RNF180: variants seen among roughly 807,000 people sequenced by gnomAD.
The protein encoded by RNF180 is E3 ubiquitin-protein ligase RNF180.
A neutral mutation model predicts 59.2 loss-of-function variants in RNF180; 38 were observed. That is an observed-to-expected ratio of 0.64 (90% CI 0.50 to 0.84). The LOEUF (loss-of-function observed/expected upper bound fraction) is 0.84, where lower values mean the gene tolerates loss of function less well. RNF180 is among the 40% of genes least tolerant of loss of function. The probability of loss-of-function intolerance (pLI) is 0.00; values close to 1 mark genes in which losing one functional copy is unlikely to be tolerated. For missense variants in RNF180, 705 were observed against 700.9 expected (o/e 1.01, Z -0.07); for synonymous variants, 262 against 240.3 (o/e 1.09, Z -0.84).
chr5:64,192,903 G>GTGTATGTATATATATATATATATATATA (rs1486448173), intron 1 of RNF180, among the ~76,000 whole-genome samples: 1 of 93,870 alleles, frequency 1.1e-5, no homozygotes, highest in African/African-American at 4.1e-5. Flanking sequence ...AGTGTGGCAT[G>GTGTATGTATATATATATATATATATATA]TATATATATA....
intron 5 of RNF180, among the ~76,000 whole-genome samples, chr5:64,222,243 C>T (rs1741383100): frequency 6.6e-6 from 1 of 152,098 alleles, no homozygotes; most frequent in Non-Finnish European, 1.5e-5. Flanking sequence ...TGATGATTCA[C>T]TAAGAGGACT....
chr5:64,301,185 A>G (rs1561248086), intron 5 of RNF180, among the ~76,000 whole-genome samples: 1 of 151,820 alleles, frequency 6.6e-6, no homozygotes, highest in Non-Finnish European at 1.5e-5. Context: ...TTCCTACTGA[A>G]CAACAGCAAT....
At chr5:64,199,002 G>A (rs1261883143) in intron 1 of RNF180, among the ~76,000 whole-genome samples, 1 of 152,102 alleles carries the variant, frequency 6.6e-6, no homozygotes, top group African/African-American at 2.4e-5. Flanking sequence ...ATTTTTAGTA[G>A]AGACAGAGTT....
intron 7 of RNF180, among the ~76,000 whole-genome samples, chr5:64,358,338 T>C (rs1746108704): frequency 6.6e-6 from 1 of 151,892 alleles, no homozygotes. Flanking sequence ...TCAAGTCCCA[T>C]GGCCTTCGTA....
chr5:64,330,456 C>G (rs1293780506), intron 7 of RNF180, 50 bp downstream of exon 7: 2 of 1,498,540 alleles, frequency 1.3e-6, no homozygotes, highest in Non-Finnish European at 1.8e-6. Context: ...TGTCTAAGGT[C>G]TGTTCTTAAA....
At chr5:64,297,532 A>G (rs1338593032) in intron 5 of RNF180, among the ~76,000 whole-genome samples, 1 of 152,016 alleles carries the variant, frequency 6.6e-6, no homozygotes, top group Non-Finnish European at 1.5e-5. Flanking sequence ...ATGGGTTACA[A>G]TTGCAGTTTT....
chr5:64,231,860 AC>A, intron 5 of RNF180, among the ~76,000 whole-genome samples: 1 of 152,348 alleles, frequency 6.6e-6, no homozygotes, highest in East Asian at 1.9e-4. Flanking sequence ...TTTTGCAGCC[AC>A]TACAGATATT....
chr5:64,170,145 G>T (rs1383195425), intron 1 of RNF180, among the ~76,000 whole-genome samples: 1 of 152,242 alleles, frequency 6.6e-6, no homozygotes, highest in Non-Finnish European at 1.5e-5. Flanking sequence ...CCCTGTGGGT[G>T]CACATAAGGA....
intron 7 of RNF180, among the ~76,000 whole-genome samples, chr5:64,366,864 T>G (rs1006900818): frequency 2.6e-5 from 4 of 151,488 alleles, no homozygotes; most frequent in Non-Finnish European, 4.4e-5. Context: ...TATTTACATA[T>G]CAAGATACAG....
At chr5:64,230,582 T>C (rs1383102107) in intron 5 of RNF180, among the ~76,000 whole-genome samples, 2 of 152,246 alleles carry the variant, frequency 1.3e-5, no homozygotes, top group Non-Finnish European at 2.9e-5. Context: ...TCAATCATGA[T>C]AATCTCCTTA....
chr5:64,179,012 A>G (rs1236677212), intron 1 of RNF180, among the ~76,000 whole-genome samples: 1 of 152,136 alleles, frequency 6.6e-6, no homozygotes, highest in Non-Finnish European at 1.5e-5. Flanking sequence ...CCAGGTTATC[A>G]TTTTGACCCA....
In RNF180 at chr5:64,369,924, G is replaced by T; in HGVS notation, c.*110G>T. 5.2e-6 allele frequency: 3 copies of T among 576,520 alleles called. No individual in the cohort carries two copies. Among genetic ancestry groups the T allele is most frequent in the South Asian group, 3.3e-5 (1 of 30,298 alleles). 35.7% of individuals were successfully genotyped at this position (576,520 alleles called of 1,614,324 possible). A position where few individuals can be genotyped will look rare whatever the true frequency, so the allele number is the denominator to read the frequency against. On this transcript the variant is annotated 3_prime_UTR_variant, in exon 8 of 8. Transcript: ENST00000389100. ...TTTTTAATGTTGCATTATACAAATT[G>T]TTGATGTTTATAGAAAGCCTGAGAA...
chr5:64,337,786 T>TGAG (rs1037448821), intron 7 of RNF180, among the ~76,000 whole-genome samples: 10 of 152,190 alleles, frequency 6.6e-5, no homozygotes, highest in African/African-American at 2.4e-4. Flanking sequence ...GATAGTTTAC[T>TGAG]GAGAATGATG....
intron 2 of RNF180, among the ~76,000 whole-genome samples, chr5:64,209,267 C>T (rs1438153643): frequency 1.3e-5 from 2 of 151,968 alleles, no homozygotes; most frequent in East Asian, 3.8e-4. Flanking sequence ...ACAACTGTGA[C>T]TCCAGTGTTT....
chr5:64,306,073 C>G (rs995939718), intron 5 of RNF180, among the ~76,000 whole-genome samples: 2 of 151,602 alleles, frequency 1.3e-5, no homozygotes, highest in Non-Finnish European at 3.0e-5. Flanking sequence ...ATAGAAAAAT[C>G]TAATCTCTCA....
At chr5:64,181,655 T>G (rs1386942447) in intron 1 of RNF180, among the ~76,000 whole-genome samples, 1 of 152,156 alleles carries the variant, frequency 6.6e-6, no homozygotes, top group Non-Finnish European at 1.5e-5. Flanking sequence ...ATGGGTAGTT[T>G]CCCTCAGCTT....
intron 5 of RNF180, among the ~76,000 whole-genome samples, chr5:64,241,406 C>G (rs1742799382): frequency 6.6e-6 from 1 of 152,132 alleles, no homozygotes; most frequent in Non-Finnish European, 1.5e-5. Context: ...ATCCAGACAC[C>G]TTTTCTTTCT....
Position 64,330,272 on chromosome 5 carries a change from T to C in RNF180, c.1454-9T>C. ...TTTCAAAATCCTATTTTCTTTTGCT[T>C]TATTCTAGAATTGAACAATGCCACA... On this transcript the variant is annotated splice_polypyrimidine_tract_variant and intron_variant, in intron 6 of 7. Transcript: ENST00000389100. 7.0e-7 allele frequency: 1 copy of C among 1,427,148 alleles called. No homozygotes were observed. Among genetic ancestry groups the C allele is most frequent in the East Asian group, 2.5e-5 (1 of 40,284 alleles). The allele number at this position is 1,427,148 out of a possible 1,614,324, so 88.4% of individuals were successfully genotyped here.
At chr5:64,318,105 CTG>C (rs1406242829) in intron 5 of RNF180, among the ~76,000 whole-genome samples, 1 of 152,164 alleles carries the variant, frequency 6.6e-6, no homozygotes. Flanking sequence ...TGGGCACCAT[CTG>C]TGTTATGTGT....
Sources: gnomAD v4.1 joint callset for allele counts (sites outside exome capture counted in the v4.1 genomes callset) on GRCh38, gnomAD v4.1.1 for gene constraint, MANE v1.5 for transcripts, NCBI Gene and HGNC (gene_info 2026-07-23, HGNC 2026-07-21) for gene names.